CDC25C: variants seen among roughly 807,000 people sequenced by gnomAD.
The protein encoded by CDC25C is M-phase inducer phosphatase 3.
CDC25C carries 48 observed loss-of-function variants against 52.5 expected under a neutral mutation model. The observed-to-expected ratio is 0.91, with a 90% CI of 0.72 to 1.16. CDC25C has a LOEUF of 1.16. CDC25C is among the 50% of genes most tolerant of loss of function. The pLI, the probability that CDC25C is intolerant of heterozygous loss-of-function variation, is 0.00. For synonymous variants in CDC25C, 187 were observed against 206.5 expected, an observed-to-expected ratio of 0.91 and a Z score of 0.81; for missense variants, 510 against 566.1, an observed-to-expected ratio of 0.90 and a Z score of 1.01.
chr5:138,319,815 T>A (rs1210346420), intron 6 of CDC25C, among the ~76,000 whole-genome samples: 1 of 152,150 alleles, frequency 6.6e-6, no homozygotes, highest in Admixed American at 6.5e-5. Flanking sequence ...GAAATGCATA[T>A]GAAAATTGCA....
intron 4 of CDC25C, among the ~76,000 whole-genome samples, chr5:138,326,317 A>G (rs1759850631): frequency 6.6e-6 from 1 of 152,048 alleles, no homozygotes; most frequent in South Asian, 2.1e-4. Context: ...ACAATTTACA[A>G]TTTACTAATT....
chr5:138,308,337 A>G (rs2126741757), intron 7 of CDC25C, among the ~76,000 whole-genome samples: 1 of 152,368 alleles, frequency 6.6e-6, no homozygotes, highest in East Asian at 1.9e-4. Flanking sequence ...ATTTCATAAA[A>G]GCAGATCAAC....
Position 138,313,963 on chromosome 5 carries a change from T to TTTTCTTTCTTTCTTTCTTTCTTTC in CDC25C, c.615+5232_615+5255dup, listed in dbSNP as rs55833555. ...TATCCTCCCAAACACCTATGTCCCT[T>TTTTCTTTCTTTCTTTCTTTCTTTC]TTTCTTTCTTTCTTTCTTTCTTTCT... is the stretch of plus-strand genomic sequence containing the variant. On this transcript the variant is annotated intron_variant, in intron 7 of 13. Transcript: ENST00000323760. 4.4e-3 allele frequency among the ~76,000 whole-genome samples: 468 copies of TTTTCTTTCTTTCTTTCTTTCTTTC among 106,360 alleles called. 6 individuals are homozygous for TTTTCTTTCTTTCTTTCTTTCTTTC. The highest frequency in any genetic ancestry group is 0.013 in the South Asian group (40 of 3,154). 69.8% of individuals were successfully genotyped at this position (106,360 alleles called of 152,430 possible).
chr5:138,323,787 G>A (rs1465086938), intron 6 of CDC25C, among the ~76,000 whole-genome samples: 4 of 151,590 alleles, frequency 2.6e-5, no homozygotes, highest in South Asian at 4.2e-4. Flanking sequence ...GTGAAACCCC[G>A]TCTCTACTAA....
At chr5:138,291,947 T>C in intron 8 of CDC25C, 23 bp downstream of exon 8, 1 of 1,587,798 alleles carries the variant, frequency 6.3e-7, no homozygotes, top group Non-Finnish European at 8.6e-7. Flanking sequence ...ATGAACAAGA[T>C]TTTCATCTTA....
At position 138,285,666 on chromosome 5, in the gene CDC25C, G is replaced by A. The variant is rs772565873; in HGVS notation, c.*26C>T. 28 of 1,610,492 alleles carry A rather than the reference G, an allele frequency of 1.7e-5. No individual in the cohort carries two copies. In the African/African-American group the frequency reaches 3.3e-4, roughly 19 times the overall value. ...TTTCTGCAGTGTCTTTTGGTGACTTGTTAGCAGCCAGTGGCTGGAATGTTA... is the reference window on the plus strand; with the variant it reads ...TTTCTGCAGTGTCTTTTGGTGACTTATTAGCAGCCAGTGGCTGGAATGTTA... On this transcript the variant is annotated 3_prime_UTR_variant, in exon 14 of 14. Coordinates refer to ENST00000323760, the MANE Select transcript of CDC25C (RefSeq NM_001790.5).
In CDC25C at chr5:138,322,466, A is replaced by ATTTT. The variant is rs71585117; in HGVS notation, c.460-3096_460-3093dup. ...AGATGCCTGCCACCACGCCCGGCTA[A>ATTTT]TTTTTTTTTTTTTTTTTTTTTTTTT... is the stretch of plus-strand genomic sequence containing the variant. On this transcript the variant is annotated intron_variant, in intron 6 of 13. Coordinates refer to ENST00000323760, the MANE Select transcript of CDC25C (RefSeq NM_001790.5). Among the ~76,000 whole-genome samples the ATTTT allele has an allele frequency of 4.1e-4, 28 of 67,954 alleles. 2 individuals carry two copies. The highest frequency in any genetic ancestry group is 9.3e-4 in the South Asian group (1 of 1,072). The allele number at this position is 67,954 out of a possible 152,430, so 44.6% of individuals were successfully genotyped here.
rs570405089 is a variant in CDC25C, at chr5:138,303,097, C to T, written c.616-10981G>A. The stretch of plus-strand genomic sequence containing the variant: ...AAAAACAAAAACAAAAACAAAAAAC[C>T]TGTTCCTGCTAAAATCTCCTGGCAA... On this transcript the variant is annotated intron_variant, in intron 7 of 13. Coordinates refer to ENST00000323760, the MANE Select transcript of CDC25C (RefSeq NM_001790.5). Among the ~76,000 whole-genome samples the T allele has an allele frequency of 2.0e-5, 3 of 152,140 alleles. No individual in the cohort carries two copies. In the East Asian group the frequency reaches 5.8e-4, roughly 29 times the overall value.
At chr5:138,299,451 A>C (rs1757472156) in intron 7 of CDC25C, among the ~76,000 whole-genome samples, 1 of 147,592 alleles carries the variant, frequency 6.8e-6, no homozygotes, top group African/African-American at 2.5e-5. Flanking sequence ...AGCCAAGATC[A>C]CACCACTGCC....
chr5:138,319,394 C>T lies in CDC25C; in HGVS notation c.460-20G>A, dbSNP rs1470266700. 1.5e-5 allele frequency: 23 copies of T among 1,569,938 alleles called. No individual in the cohort carries two copies. Among genetic ancestry groups the T allele is most frequent in the Non-Finnish European group, 1.9e-5 (22 of 1,154,068 alleles). ...ATTGTCCTGTCAAGTATATTGACAACATTAAAAACTATTCAAAATATATCA... is the reference window on the plus strand; with the variant it reads ...ATTGTCCTGTCAAGTATATTGACAATATTAAAAACTATTCAAAATATATCA... On this transcript the variant is annotated intron_variant, in intron 6 of 13. Transcript: ENST00000323760.
At chr5:138,331,989 A>G (rs1760432356), upstream of CDC25C, 1 of 816,840 alleles carries the variant, frequency 1.2e-6, no homozygotes, top group Non-Finnish European at 1.5e-6. Flanking sequence ...GCCCCGCCCC[A>G]TAGCCAGAGC....
At chr5:138,325,677 AATTTT>A in intron 6 of CDC25C, 133 bp downstream of exon 6, 1 of 647,746 alleles carries the variant, frequency 1.5e-6, no homozygotes, top group Non-Finnish European at 2.6e-6. Context: ...AAAACAAAGA[AATTTT>A]CTCCCCTATA....
At chr5:138,316,220 C>A (rs1159077234) in intron 7 of CDC25C, among the ~76,000 whole-genome samples, 3 of 152,216 alleles carry the variant, frequency 2.0e-5, no homozygotes, top group Non-Finnish European at 4.4e-5. Flanking sequence ...CCCCCATATC[C>A]CCACTTCTCT....
At position 138,300,857 on chromosome 5, in the gene CDC25C, A is replaced by G. The variant is rs898322320; in HGVS notation, c.616-8741T>C. Reference sequence around the variant, plus strand: ...AAGGTCCTCAAATATGAGGTCCTCAAAAAGTCCTCAAATATTTGCAAATAA... The same window carrying G: ...AAGGTCCTCAAATATGAGGTCCTCAGAAAGTCCTCAAATATTTGCAAATAA... On this transcript the variant is annotated intron_variant, in intron 7 of 13. Coordinates refer to ENST00000323760, the MANE Select transcript of CDC25C (RefSeq NM_001790.5). 4.5e-4 allele frequency among the ~76,000 whole-genome samples: 68 copies of G among 152,180 alleles called. 1 individual carries two copies. The highest frequency in any genetic ancestry group is 1.5e-3 in the African/African-American group (64 of 41,450).
chr5:138,309,247 A>G (rs1229452730), intron 7 of CDC25C, among the ~76,000 whole-genome samples: 1 of 151,924 alleles, frequency 6.6e-6, no homozygotes, highest in Non-Finnish European at 1.5e-5. Context: ...AAACATAAAA[A>G]TACTTCATTC....
At chr5:138,322,493 T>TTTTTTTG (rs1393696738) in intron 6 of CDC25C, among the ~76,000 whole-genome samples, 2 of 139,452 alleles carry the variant, frequency 1.4e-5, no homozygotes, top group Non-Finnish European at 3.1e-5. Flanking sequence ...TTTTTTTTTT[T>TTTTTTTG]GAGATGGAGT....
chr5:138,300,764 C>T (rs550333309), intron 7 of CDC25C, among the ~76,000 whole-genome samples: 17 of 152,078 alleles, frequency 1.1e-4, no homozygotes, highest in African/African-American at 2.2e-4. Flanking sequence ...TCTTAATGCA[C>T]CTAAAAGGAT....
intron 7 of CDC25C, among the ~76,000 whole-genome samples, chr5:138,304,163 T>C (rs1346468199): frequency 6.6e-6 from 1 of 151,994 alleles, no homozygotes; most frequent in Non-Finnish European, 1.5e-5. Flanking sequence ...TATCTATGTA[T>C]CTTTTTACTT....
chr5:138,318,098 G>A (rs926497942), intron 7 of CDC25C, among the ~76,000 whole-genome samples: 13 of 152,180 alleles, frequency 8.5e-5, no homozygotes, highest in Non-Finnish European at 1.8e-4. Flanking sequence ...GGAGGCCAAG[G>A]CGGGCAGATC....
Sources: gnomAD v4.1 joint callset for allele counts (sites outside exome capture counted in the v4.1 genomes callset) on GRCh38, gnomAD v4.1.1 for gene constraint, MANE v1.5 for transcripts, NCBI Gene and HGNC (gene_info 2026-07-23, HGNC 2026-07-21) for gene names.